Variants in TMEM178B observed in about 807,000 individuals in gnomAD.
The protein encoded by TMEM178B is transmembrane protein 178B.
Under a neutral mutation model 31.0 loss-of-function variants are expected in TMEM178B, and 5 were observed. The observed-to-expected ratio is 0.16, with a 90% confidence interval of 0.08 to 0.34. The LOEUF (loss-of-function observed/expected upper bound fraction) is 0.34, where lower values mean the gene tolerates loss of function less well. Ranked by LOEUF, TMEM178B falls within the 10% of genes least tolerant of loss-of-function variation. The pLI, the probability that TMEM178B is intolerant of heterozygous loss-of-function variation, is 1.00. For synonymous variants in TMEM178B, 164 were observed against 164.0 expected, an observed-to-expected ratio of 1.00 and a Z score of 0.00; for missense variants, 275 against 400.3, an observed-to-expected ratio of 0.69 and a Z score of 2.67.
chr7:141,095,597 C>T (rs981663486), intron 1 of TMEM178B, among the ~76,000 whole-genome samples: 11 of 152,166 alleles, frequency 7.2e-5, no homozygotes, highest in African/African-American at 1.9e-4. Flanking sequence ...AATCTTTGGT[C>T]GCCCATTTGC....
rs141851008 is a variant in TMEM178B at position 141,155,588 on chromosome 7, G to A, written c.383-57003G>A. Among the ~76,000 whole-genome samples, 892 of 152,290 alleles carry A rather than the reference G, an allele frequency of 5.9e-3. 13 individuals carry two copies. The highest frequency in any genetic ancestry group is 0.018 in the African/African-American group (767 of 41,562). ...CCTTCCAGTGGTGCTTGGCTTCCAC[G>A]TCTGATGGAAGGGGTATGTGTGCTC... is the stretch of plus-strand genomic sequence containing the variant. On this transcript the variant is annotated intron_variant, in intron 1 of 3. Transcript: ENST00000565468.
chr7:141,361,764 T>C (rs1392238772), intron 2 of TMEM178B, among the ~76,000 whole-genome samples: 2 of 152,232 alleles, frequency 1.3e-5, no homozygotes, highest in South Asian at 4.1e-4. Context: ...TCTTGCAATG[T>C]TATTTTTCTC....
At chr7:141,379,682 A>G (rs941445028) in intron 2 of TMEM178B, among the ~76,000 whole-genome samples, 1 of 152,158 alleles carries the variant, frequency 6.6e-6, no homozygotes, top group African/African-American at 2.4e-5. Context: ...TCCTTTCATG[A>G]TATTTAGATG....
chr7:141,417,066 A>C (rs1461400736), intron 2 of TMEM178B, among the ~76,000 whole-genome samples: 1 of 152,212 alleles, frequency 6.6e-6, no homozygotes, highest in African/African-American at 2.4e-5. Flanking sequence ...CCTGTAAGTG[A>C]GCTGTGTACA....
At position 141,229,100 on chromosome 7, in the gene TMEM178B, GGTGTGTGT is replaced by G. The variant is rs3035765; in HGVS notation, c.496+16420_496+16427del. On this transcript the variant is annotated intron_variant, in intron 2 of 3. Transcript: ENST00000565468. The stretch of plus-strand genomic sequence containing the variant: ...TTTTTGCAAAATGATGTGTGTGTGT[GGTGTGTGT>G]GTGTGTGTGTGTGTGTGTGTGTGAA... Among the ~76,000 whole-genome samples, 23 of 134,852 alleles carry G rather than the reference GGTGTGTGT, an allele frequency of 1.7e-4. No homozygotes were observed. The South Asian group carries it at 3.8e-3, about 22-fold the overall frequency. The allele number at this position is 134,852 out of a possible 152,430, so 88.5% of individuals were successfully genotyped here. A position where few individuals can be genotyped will look rare whatever the true frequency, so the allele number is the denominator to read the frequency against.
chr7:141,261,608 G>C (rs1798012965), intron 2 of TMEM178B, among the ~76,000 whole-genome samples: 1 of 152,174 alleles, frequency 6.6e-6, no homozygotes, highest in South Asian at 2.1e-4. Flanking sequence ...CTTGAGAGCT[G>C]TGAGTGGACG....
At chr7:141,431,147 G>T (rs149134302) in intron 2 of TMEM178B, 2 of 149,280 alleles carry the variant, frequency 1.3e-5, no homozygotes, top group Non-Finnish European at 3.0e-5. Context: ...AAGGTCTAAC[G>T]CATACTTACC....
chr7:141,431,168 C>G (rs1172743155), intron 2 of TMEM178B: 2 of 136,348 alleles, frequency 1.5e-5, no homozygotes, highest in Non-Finnish European at 3.2e-5. Context: ...CTCACCATTT[C>G]TGTTTTTTTT....
At chr7:141,464,643 A>G (rs759132303) in intron 3 of TMEM178B, among the ~76,000 whole-genome samples, 8 of 152,238 alleles carry the variant, frequency 5.3e-5, no homozygotes, top group Non-Finnish European at 8.8e-5. Context: ...TGTCCCTAGC[A>G]TGTATCATAA....
At chr7:141,111,282 C>T (rs934904463) in intron 1 of TMEM178B, among the ~76,000 whole-genome samples, 5 of 152,108 alleles carry the variant, frequency 3.3e-5, no homozygotes, top group Non-Finnish European at 7.4e-5. Context: ...TATTCACTAT[C>T]GCAAGAACAG....
intron 2 of TMEM178B, among the ~76,000 whole-genome samples, chr7:141,228,672 C>T (rs773697618): frequency 2.6e-5 from 4 of 152,192 alleles, no homozygotes; most frequent in Non-Finnish European, 4.4e-5. Flanking sequence ...TCTGGGAGCA[C>T]TGAGCTGCCA....
intron 2 of TMEM178B, among the ~76,000 whole-genome samples, chr7:141,329,295 G>A (rs955369518): frequency 2.0e-5 from 3 of 152,138 alleles, no homozygotes; most frequent in Non-Finnish European, 4.4e-5. Context: ...TTGTAAAAGT[G>A]TCTGTCTGGG....
At chr7:141,079,390 T>C (rs192865525) in intron 1 of TMEM178B, among the ~76,000 whole-genome samples, 4 of 152,334 alleles carry the variant, frequency 2.6e-5, no homozygotes, top group African/African-American at 9.6e-5. Flanking sequence ...CAGTGCAGAT[T>C]ACAGTGAACA....
At chr7:141,368,244 G>C (rs1225518150) in intron 2 of TMEM178B, among the ~76,000 whole-genome samples, 4 of 152,150 alleles carry the variant, frequency 2.6e-5, no homozygotes, top group Non-Finnish European at 5.9e-5. Context: ...GCTTGAACCT[G>C]GGGGGTGGAG....
chr7:141,303,789 C>T (rs1210954157), intron 2 of TMEM178B, among the ~76,000 whole-genome samples: 3 of 152,296 alleles, frequency 2.0e-5, no homozygotes, highest in Non-Finnish European at 4.4e-5. Context: ...AGGAGCAAAG[C>T]ATATTTATTG....
chr7:141,124,672 G>A (rs1795461444), intron 1 of TMEM178B, among the ~76,000 whole-genome samples: 1 of 152,186 alleles, frequency 6.6e-6, no homozygotes, highest in South Asian at 2.1e-4. Context: ...TGTCAGGAAT[G>A]TATAATAATA....
At chr7:141,083,081 CCAT>C (rs1794712993) in intron 1 of TMEM178B, among the ~76,000 whole-genome samples, 1 of 151,968 alleles carries the variant, frequency 6.6e-6, no homozygotes, top group African/African-American at 2.4e-5. Context: ...TTAGTTTGAC[CCAT>C]CATACACAGA....
Position 141,419,489 on chromosome 7 carries a change from T to C in TMEM178B, c.497-18119T>C, listed in dbSNP as rs190170723. Among the ~76,000 whole-genome samples, 380 of 152,248 alleles carry C rather than the reference T, an allele frequency of 2.5e-3. 4 individuals carry two copies. Among genetic ancestry groups the C allele is most frequent in the African/African-American group, 8.7e-3 (360 of 41,520 alleles). On this transcript the variant is annotated intron_variant, in intron 2 of 3. Coordinates refer to ENST00000565468, the MANE Select transcript of TMEM178B (RefSeq NM_001195278.2). ...ACCCTGTTCTCTGCTATAGTGCAGG[T>C]CTTCATCATTTGTGGGATTGTCTTG... is the stretch of plus-strand genomic sequence containing the variant.
At chr7:141,194,259 G>A (rs922189853) in intron 1 of TMEM178B, among the ~76,000 whole-genome samples, 2 of 152,108 alleles carry the variant, frequency 1.3e-5, no homozygotes, top group Non-Finnish European at 2.9e-5. Context: ...AAAGTCCACA[G>A]CCCAAAGTCT....
Sources: gnomAD v4.1 joint callset for allele counts (sites outside exome capture counted in the v4.1 genomes callset) on GRCh38, gnomAD v4.1.1 for gene constraint, MANE v1.5 for transcripts, NCBI Gene and HGNC (gene_info 2026-07-23, HGNC 2026-07-21) for gene names.